ZNF777: variants seen among roughly 807,000 people sequenced by gnomAD.
ZNF777 encodes zinc finger protein 777.
A neutral mutation model predicts 72.1 loss-of-function variants in ZNF777; 7 were observed. That is an observed-to-expected ratio of 0.10 (90% CI 0.06 to 0.18). ZNF777 has a LOEUF of 0.18. Ranked by LOEUF, ZNF777 falls within the 10% of genes least tolerant of loss-of-function variation. The pLI, the probability that ZNF777 is intolerant of heterozygous loss-of-function variation, is 1.00. For synonymous variants in ZNF777, 545 were observed against 483.5 expected, an observed-to-expected ratio of 1.13 and a Z score of -1.67; for missense variants, 828 against 1,128.6, an observed-to-expected ratio of 0.73 and a Z score of 3.82.
At chr7:149,449,973 A>G (rs1330034638) in intron 4 of ZNF777, among the ~76,000 whole-genome samples, 1 of 152,194 alleles carries the variant, frequency 6.6e-6, no homozygotes, top group African/African-American at 2.4e-5. Context: ...TGTTCCTAGA[A>G]CATCTGCTTG....
chr7:149,451,692 A>G (rs779484872), intron 3 of ZNF777, among the ~76,000 whole-genome samples: 5 of 152,138 alleles, frequency 3.3e-5, no homozygotes, highest in Non-Finnish European at 5.9e-5. Flanking sequence ...ACTCCGTCTC[A>G]AAAAAAGAAA....
rs772536783 is a variant in ZNF777 at position 149,436,624 on chromosome 7, G to A, written c.1290C>T (p.Ser430=). The change falls in exon 5 of 6, where the codon AGC becomes AGT. Residue 430 remains serine, a synonymous_variant. Coordinates refer to ENST00000247930, the MANE Select transcript of ZNF777 (RefSeq NM_015694.3). The surrounding 1 kb of genome is among the most constrained non-coding windows in gnomAD (Gnocchi z 5.0). ...NTLEESTEGS[S]EFSELKQMLV... ...GCATCTGCTTCAGTTCGCTGAACTC[G>A]CTGGAGCCTTCCGTGGACTCCTCCA... is the stretch of plus-strand genomic sequence containing the variant. The A allele has an allele frequency of 1.4e-5, 22 of 1,613,016 alleles. No homozygotes were observed. Among genetic ancestry groups the A allele is most frequent in the Non-Finnish European group, 1.7e-5 (20 of 1,179,926 alleles).
intron 4 of ZNF777, among the ~76,000 whole-genome samples, chr7:149,450,794 A>G (rs1265946260): frequency 6.6e-6 from 1 of 152,230 alleles, no homozygotes; most frequent in Admixed American, 6.5e-5. Context: ...TTCCTGAGAC[A>G]GTGAACCCAA....
rs1169239389 is a variant in ZNF777, at chr7:149,455,699, TG to T, written c.323del (p.Pro108GlnfsTer33). On this transcript the variant is annotated frameshift_variant, in exon 2 of 6. Transcript: ENST00000247930. LOFTEE classifies it high-confidence loss of function. The surrounding 1 kb of genome is among the most constrained non-coding windows in gnomAD (Gnocchi z 4.2). Reference protein sequence around the residue: ...ASQEGTQYPPPAAAEQEVSLL... With the variant: ...ASQEGTQYPPXAAAEQEVSLL... ...GGGAGACTTCTTGTTCAGCAGCAGC[TG>T]GGGGTGGATACTGGGTCCCTTCCTG... 6.4e-7 allele frequency: 1 copy of T among 1,567,318 alleles called. No individual in the cohort carries two copies. The highest frequency in any genetic ancestry group is 8.6e-7 in the Non-Finnish European group (1 of 1,157,278).
At chr7:149,445,658 T>C (rs1051455826) in intron 4 of ZNF777, among the ~76,000 whole-genome samples, 1 of 152,160 alleles carries the variant, frequency 6.6e-6, no homozygotes, top group African/African-American at 2.4e-5. Flanking sequence ...TCAAGTCTCC[T>C]TCTTCCCGTT....
intron 3 of ZNF777, among the ~76,000 whole-genome samples, chr7:149,453,450 T>C (rs1346390142): frequency 6.6e-6 from 1 of 152,242 alleles, no homozygotes; most frequent in Non-Finnish European, 1.5e-5. Flanking sequence ...GAGAAACAGA[T>C]ATATATACAC....
intron 1 of ZNF777, chr7:149,459,761 C>G: frequency 1.0e-6 from 1 of 985,034 alleles, no homozygotes; most frequent in Non-Finnish European, 1.2e-6. Context: ...GCGCCCGGGC[C>G]GGGGAAGGCT....
At chr7:149,459,488 G>A (rs996293293) in intron 1 of ZNF777, among the ~76,000 whole-genome samples, 13 of 152,142 alleles carry the variant, frequency 8.5e-5, no homozygotes, top group Non-Finnish European at 1.6e-4. Flanking sequence ...ATGCCCAGCT[G>A]GGCGCTGCCC....
intron 1 of ZNF777, among the ~76,000 whole-genome samples, chr7:149,459,302 A>C (rs1406122502): frequency 1.3e-5 from 2 of 152,004 alleles, no homozygotes; most frequent in Non-Finnish European, 1.5e-5. Context: ...GGAGGATCTG[A>C]GGGATGATTT....
chr7:149,440,798 T>C (rs1799501826), intron 4 of ZNF777, among the ~76,000 whole-genome samples: 1 of 151,884 alleles, frequency 6.6e-6, no homozygotes, highest in African/African-American at 2.4e-5. Flanking sequence ...GACTGGAAAT[T>C]GTGCCCTCAA....
intron 1 of ZNF777, chr7:149,459,843 G>C: frequency 2.0e-6 from 2 of 984,694 alleles, no homozygotes; most frequent in Non-Finnish European, 2.4e-6. Context: ...CCCGCAGGGA[G>C]CGAGCGCGCC....
intron 4 of ZNF777, among the ~76,000 whole-genome samples, chr7:149,442,133 C>T (rs764139662): frequency 5.3e-5 from 8 of 149,852 alleles, no homozygotes; most frequent in Non-Finnish European, 8.9e-5. Flanking sequence ...AGGAGAATCG[C>T]TTGAACCCGG....
At chr7:149,448,778 T>C (rs1198350225) in intron 4 of ZNF777, among the ~76,000 whole-genome samples, 2 of 151,862 alleles carry the variant, frequency 1.3e-5, no homozygotes, top group Admixed American at 6.6e-5. Flanking sequence ...GGTGCCTGGC[T>C]TCTCTGGCCT....
intron 4 of ZNF777, among the ~76,000 whole-genome samples, chr7:149,438,306 A>G (rs891676101): frequency 2.0e-5 from 3 of 152,190 alleles, no homozygotes; most frequent in Non-Finnish European, 2.9e-5. Flanking sequence ...CTTCAAATCA[A>G]TTTCTACAGT....
intron 5 of ZNF777, among the ~76,000 whole-genome samples, chr7:149,433,299 C>T (rs1487767858): frequency 1.3e-5 from 2 of 152,176 alleles, no homozygotes; most frequent in African/African-American, 4.8e-5. Context: ...TACACAGAGC[C>T]GATGTGGGAA....
At chr7:149,433,634 C>T (rs1216020573) in intron 5 of ZNF777, among the ~76,000 whole-genome samples, 2 of 152,192 alleles carry the variant, frequency 1.3e-5, no homozygotes, top group Admixed American at 6.5e-5. Flanking sequence ...TCCTTGGAGC[C>T]CACAGTACTC....
intron 3 of ZNF777, among the ~76,000 whole-genome samples, 194 bp from the exon 4 acceptor site, chr7:149,451,306 G>C (rs1192058384): frequency 5.3e-5 from 8 of 152,040 alleles, no homozygotes; most frequent in Admixed American, 6.5e-5. Flanking sequence ...TGTGTGGCGG[G>C]GGGTAGAGGG....
At position 149,458,632 on chromosome 7, in the gene ZNF777, T is replaced by C. The variant is rs568274427; in HGVS notation, c.-16+2183A>G. Among the ~76,000 whole-genome samples, 4 of 152,368 alleles carry C rather than the reference T, an allele frequency of 2.6e-5. No homozygotes were observed. In the South Asian group the frequency reaches 6.2e-4, roughly 24 times the overall value. On this transcript the variant is annotated intron_variant, in intron 1 of 5. Transcript: ENST00000247930. The stretch of plus-strand genomic sequence containing the variant: ...AGCTCAAAGGAAAATACTATTTCTT[T>C]GCTATTATTAGACTGTCTCTCTCCA...
chr7:149,458,181 T>C (rs1468986625), intron 1 of ZNF777, among the ~76,000 whole-genome samples: 1 of 152,154 alleles, frequency 6.6e-6, no homozygotes, highest in African/African-American at 2.4e-5. Flanking sequence ...GTTCTTGTCC[T>C]CAAAAAAGAC....
Sources: allele counts gnomAD v4.1 joint callset (sites outside exome capture counted in the v4.1 genomes callset), GRCh38; gene constraint gnomAD v4.1.1; non-coding constraint Gnocchi (gnomAD v3.1); transcripts MANE v1.5; gene names NCBI Gene and HGNC (gene_info 2026-07-23, HGNC 2026-07-21).